CDH26: variants seen among roughly 807,000 people sequenced by gnomAD.
CDH26 encodes the protein cadherin 26, also known as cadherin-like protein 26.
In CDH26, 83 loss-of-function variants were observed where a neutral mutation model predicts 90.3. That is an observed-to-expected ratio of 0.92 (90% confidence interval 0.77 to 1.10). CDH26 has a LOEUF of 1.10. Ranked by LOEUF, CDH26 falls within the 50% of genes least tolerant of loss-of-function variation. The pLI is 0.00. For synonymous variants in CDH26, 397 were observed against 396.3 expected (o/e 1.00, Z -0.02); for missense variants, 1,013 against 1,037.6 (o/e 0.98, Z 0.33).
rs772332750 is a variant in CDH26 at position 59,996,714 on chromosome 20, C to A, written c.1972C>A (p.Gln658Lys). The A allele has an allele frequency of 2.9e-5, 47 of 1,614,100 alleles. No homozygotes were observed. The highest frequency in any genetic ancestry group is 3.6e-5 in the Non-Finnish European group (42 of 1,180,042). ...CTCTGTATCCAATGATGAAGGCCAC[C>A]AAACACTGGTCATGTATAATGCGGA... ...GCSVSNDEGH[Q>K]TLVMYNAESK... Residue 658 changes from glutamine to lysine, a missense_variant, in exon 13 of 18, where the codon CAA (glutamine) becomes AAA (lysine). Coordinates refer to ENST00000348616, the MANE Select transcript of CDH26 (RefSeq NM_177980.4).
At chr20:59,990,211 A>G (rs1366934580) in intron 9 of CDH26, among the ~76,000 whole-genome samples, 1 of 152,216 alleles carries the variant, frequency 6.6e-6, no homozygotes. Context: ...CTGATGCTGA[A>G]TATGCATATG....
In CDH26 at chr20:59,992,275, G is replaced by T; in HGVS notation, c.1284-103G>T. The T allele has an allele frequency of 9.4e-7, 1 of 1,069,064 alleles. No individual in the cohort carries two copies. The highest frequency in any genetic ancestry group is 1.4e-6 in the Non-Finnish European group (1 of 740,238). The allele number at this position is 1,069,064 out of a possible 1,614,324, so 66.2% of individuals were successfully genotyped here. ...AGAATTTCTCAAATTACTTGTGGTA[G>T]AAATAGTGTTTCTATGACATATTTT... On this transcript the variant is annotated intron_variant, in intron 9 of 17. Coordinates refer to ENST00000348616, the MANE Select transcript of CDH26 (RefSeq NM_177980.4). This position sits in a 1 kb window ranked among gnomAD's most constrained non-coding sequence, Gnocchi z 5.0.
Position 60,030,286 on chromosome 20 carries a change from C to A in CDH26, c.948-945C>A, listed in dbSNP as rs945028298. On this transcript the variant is annotated intron_variant, in intron 7 of 8. Transcript: ENST00000370991. The surrounding 1 kb of genome is among the most constrained non-coding windows in gnomAD (Gnocchi z 4.0). ...GACTGGAGGGTTTTCCACCTGAGTT[C>A]TCCAGAGCCTCAGCATTCCAGGACA... is the stretch of plus-strand genomic sequence containing the variant. 1.3e-5 allele frequency among the ~76,000 whole-genome samples: 2 copies of A among 152,140 alleles called. No homozygotes were observed. Among genetic ancestry groups the A allele is most frequent in the African/African-American group, 4.8e-5 (2 of 41,430 alleles).
chr20:60,004,581 A>G (rs1569055866), intron 16 of CDH26, among the ~76,000 whole-genome samples: 1 of 152,070 alleles, frequency 6.6e-6, no homozygotes, highest in Non-Finnish European at 1.5e-5. Context: ...CCTGGCTAAC[A>G]TGGTGAAACC....
chr20:60,007,754 C>T (rs919499459), intron 17 of CDH26, among the ~76,000 whole-genome samples: 2 of 151,976 alleles, frequency 1.3e-5, no homozygotes, highest in African/African-American at 4.8e-5. Flanking sequence ...TAACTTCATC[C>T]CATCTGGACC....
chr20:60,007,931 T>C (rs967805501), intron 17 of CDH26, among the ~76,000 whole-genome samples: 4 of 152,184 alleles, frequency 2.6e-5, no homozygotes, highest in Admixed American at 1.3e-4. Context: ...GAAAGGTCCA[T>C]CAACACAGCC....
chr20:59,979,907 G>A (rs2061375398), intron 4 of CDH26, among the ~76,000 whole-genome samples: 1 of 151,934 alleles, frequency 6.6e-6, no homozygotes, highest in Admixed American at 6.6e-5. Flanking sequence ...GATTACAGGT[G>A]TGAGCAACCA....
intron 9 of CDH26, among the ~76,000 whole-genome samples, chr20:59,989,895 A>G (rs1270703131): frequency 6.6e-6 from 1 of 152,144 alleles, no homozygotes; most frequent in Non-Finnish European, 1.5e-5. Flanking sequence ...TTACCATTTT[A>G]TCCATTTGTA....
At chr20:59,966,173 C>T (rs1330422911) in intron 1 of CDH26, among the ~76,000 whole-genome samples, 1 of 147,612 alleles carries the variant, frequency 6.8e-6, no homozygotes, top group Non-Finnish European at 1.5e-5. Flanking sequence ...ATATCAGATA[C>T]CCTGGCGTGA....
intron 17 of CDH26, among the ~76,000 whole-genome samples, chr20:60,011,634 G>A (rs1403128628): frequency 6.6e-6 from 1 of 152,154 alleles, no homozygotes. Context: ...CAAATAAACG[G>A]TCTTGGCCGT....
chr20:59,963,202 A>G (rs1349275704), intron 1 of CDH26, among the ~76,000 whole-genome samples: 3 of 151,678 alleles, frequency 2.0e-5, no homozygotes, highest in Non-Finnish European at 2.9e-5. Flanking sequence ...CAGACTCCAG[A>G]GCATAAATTA....
intron 13 of CDH26, among the ~76,000 whole-genome samples, chr20:59,998,693 A>G (rs998399420): frequency 2.7e-5 from 4 of 150,530 alleles, no homozygotes; most frequent in African/African-American, 9.8e-5. Flanking sequence ...TAGATTCCAA[A>G]TCTGTGATTG....
rs374265499 is a variant in CDH26 at position 60,012,488 on chromosome 20, A to G, written c.2296-39A>G. On this transcript the variant is annotated intron_variant, in intron 17 of 17. Transcript: ENST00000348616. The stretch of plus-strand genomic sequence containing the variant: ...AGAGAAATGAGCTGGGTATGGAAGC[A>G]CATGGCATTTACCTTCTCTTTCCCC... 8 of 1,583,396 alleles carry G rather than the reference A, an allele frequency of 5.1e-6. No individual in the cohort carries two copies. In the African/African-American group the frequency reaches 1.1e-4, roughly 21 times the overall value.
intron 15 of CDH26, among the ~76,000 whole-genome samples, chr20:60,002,246 A>G (rs1306010886): frequency 6.6e-6 from 1 of 152,110 alleles, no homozygotes; most frequent in Admixed American, 6.5e-5. Context: ...TTCTTTGCAC[A>G]AAGATGATGC....
rs1601193878 is a variant in CDH26 at position 60,006,752 on chromosome 20, C to T, written c.2260C>T (p.Pro754Ser). 2.5e-6 allele frequency: 4 copies of T among 1,614,046 alleles called. No homozygotes were observed. In the African/African-American group the frequency reaches 4.0e-5, roughly 16 times the overall value. The change falls in exon 17 of 18, where the codon CCG becomes TCG. Residue 754 changes from proline to serine, a missense_variant. Transcript: ENST00000348616. ...DATMHRQLLA[P>S]VEGRMAETLN... ...CACAATGCACAGACAACTCCTGGCT[C>T]CGGTGGAAGGAAGGATGGCAGAGAC...
In CDH26 at chr20:59,999,650, C is replaced by G; in HGVS notation, c.2084C>G (p.Thr695Arg). 1 of 1,614,116 alleles carries G rather than the reference C, an allele frequency of 6.2e-7. No individual in the cohort carries two copies. Among genetic ancestry groups the G allele is most frequent in the Non-Finnish European group, 8.5e-7 (1 of 1,179,966 alleles). ...LLICTAAAGP[T>R]QGVKDLEEVP... ...ATCTGCACAGCTGCAGCAGGACCCACGCAGGGAGTTAAGGTAACATGCCCC... is the reference window on the plus strand; with the variant it reads ...ATCTGCACAGCTGCAGCAGGACCCAGGCAGGGAGTTAAGGTAACATGCCCC... The change falls in exon 14 of 18, where the codon ACG becomes AGG. Residue 695 changes from threonine (T) to arginine (R), a missense_variant. By Grantham distance (71) the Thr-to-Arg change is moderately conservative (BLOSUM62 -1). Coordinates refer to ENST00000348616, the MANE Select transcript of CDH26 (RefSeq NM_177980.4).
intron 13 of CDH26, 94 bp downstream of exon 13, chr20:59,996,855 A>C: frequency 6.7e-6 from 10 of 1,503,164 alleles, no homozygotes; most frequent in Non-Finnish European, 9.1e-6. Context: ...GCCACCTCTT[A>C]ATTCTTCACT....
rs751760301 is a variant in CDH26, at chr20:59,971,972, A to G, written c.242A>G (p.Asn81Ser). ...TTTTCCTCCTTCCAGCTGTTCAATAATATGTCTTATAACATGTCACTAATG... is the reference window on the plus strand; with the variant it reads ...TTTTCCTCCTTCCAGCTGTTCAATAGTATGTCTTATAACATGTCACTAATG... ...FPKLIGELFNNMSYNMSLMYL... is the reference protein window; with the variant it reads ...FPKLIGELFNSMSYNMSLMYL... The change falls in exon 4 of 18, where the codon AAT becomes AGT. Residue 81 changes from asparagine (N) to serine (S), a missense_variant. Transcript: ENST00000348616. 3.7e-6 allele frequency: 6 copies of G among 1,612,626 alleles called. No individual in the cohort carries two copies. The highest frequency in any genetic ancestry group is 2.7e-5 in the African/African-American group (2 of 74,824).
chr20:60,026,603 A>G (rs144401950), intron 7 of CDH26, among the ~76,000 whole-genome samples: 4 of 152,316 alleles, frequency 2.6e-5, no homozygotes, highest in South Asian at 2.1e-4. Context: ...CAAGGACACA[A>G]GAACCTCAGT....
Sources: allele counts gnomAD v4.1 joint callset (sites outside exome capture counted in the v4.1 genomes callset), GRCh38; gene constraint gnomAD v4.1.1; non-coding constraint Gnocchi (gnomAD v3.1); transcripts MANE v1.5; gene names NCBI Gene and HGNC (gene_info 2026-07-23, HGNC 2026-07-21).